SMIM36: variants seen among roughly 807,000 people sequenced by gnomAD.
The protein encoded by SMIM36 is small integral membrane protein 36.
At chr17:55,527,207 G>A in the SMIM36 span, 4 of 152,196 alleles carry the variant, frequency 2.6e-5, no homozygotes, top group Non-Finnish European at 4.4e-5. Context: ...AAAAGAGAAA[G>A]GAAAAGTTAT....
rs1476123549 is a variant in SMIM36 at position 55,500,841 on chromosome 17, ATATAT to A, written c.*174+10033_*174+10037del. ...ATTATATTTTATAATATATATTATA[ATATAT>A]TATATTATAATATATTATAATATAT... On this transcript the variant is annotated intron_variant, in intron 1 of 4. Transcript: ENST00000636752. Among the ~76,000 whole-genome samples, 3 of 28,720 alleles carry A rather than the reference ATATAT, an allele frequency of 1.0e-4. 1 individual carries two copies. Among genetic ancestry groups the A allele is most frequent in the Non-Finnish European group, 1.4e-4 (3 of 21,252 alleles). The allele number at this position is 28,720 out of a possible 152,430, so 18.8% of individuals were successfully genotyped here.
At chr17:55,458,758 A>G (rs1347098506) in intron 4 of SMIM36, among the ~76,000 whole-genome samples, 1 of 152,102 alleles carries the variant, frequency 6.6e-6, no homozygotes, top group Non-Finnish European at 1.5e-5. Context: ...GGGCAGTGGG[A>G]GGACAGCCGG....
At chr17:55,489,566 T>C (rs980212813) in intron 1 of SMIM36, among the ~76,000 whole-genome samples, 1 of 152,230 alleles carries the variant, frequency 6.6e-6, no homozygotes, top group African/African-American at 2.4e-5. Flanking sequence ...GCTTTTAAAC[T>C]ACAAAAGAGA....
At chr17:55,529,322 A>G in the SMIM36 span, among the ~76,000 whole-genome samples, 1 of 152,194 alleles carries the variant, frequency 6.6e-6, no homozygotes, top group African/African-American at 2.4e-5. Context: ...CATTAAAAAT[A>G]TTTCATACTA....
At chr17:55,481,040 T>TTC (rs566709022) in intron 1 of SMIM36, among the ~76,000 whole-genome samples, 1 of 152,024 alleles carries the variant, frequency 6.6e-6, no homozygotes, top group Admixed American at 6.6e-5. Flanking sequence ...ATTCTCTTTA[T>TTC]TCTCTCTCTC....
chr17:55,509,993 T>C (rs1354253882), intron 1 of SMIM36, among the ~76,000 whole-genome samples: 2 of 152,094 alleles, frequency 1.3e-5, no homozygotes, highest in African/African-American at 4.8e-5. Flanking sequence ...ATGAGGCATA[T>C]GGAAGGAAAT....
intron 4 of SMIM36, among the ~76,000 whole-genome samples, chr17:55,463,514 C>A (rs1377150705): frequency 6.6e-6 from 1 of 152,198 alleles, no homozygotes. Context: ...TTTGCCACTG[C>A]ATTCCTGCCT....
chr17:55,466,447 G>C (rs1315404851), intron 4 of SMIM36, among the ~76,000 whole-genome samples: 1 of 152,134 alleles, frequency 6.6e-6, no homozygotes, highest in Admixed American at 6.6e-5. Context: ...AGGTTACCAA[G>C]CAGGGGTCCA....
At chr17:55,475,609 A>G (rs185040815) in intron 3 of SMIM36, among the ~76,000 whole-genome samples, 1 of 152,340 alleles carries the variant, frequency 6.6e-6, no homozygotes, top group African/African-American at 2.4e-5. Flanking sequence ...TTTTACCTAA[A>G]TCAGTCTGGC....
chr17:55,485,624 G>A (rs1909591012), intron 1 of SMIM36, among the ~76,000 whole-genome samples: 1 of 152,080 alleles, frequency 6.6e-6, no homozygotes, highest in Non-Finnish European at 1.5e-5. Flanking sequence ...CATGGTCTAT[G>A]GTTGTTGGGT....
chr17:55,489,943 G>C (rs1909674412), intron 1 of SMIM36, among the ~76,000 whole-genome samples: 1 of 151,986 alleles, frequency 6.6e-6, no homozygotes, highest in Non-Finnish European at 1.5e-5. Context: ...CTGCCTCCTG[G>C]GTTCATGCCA....
At chr17:55,465,125 ACAAT>A (rs1015709420) in intron 4 of SMIM36, among the ~76,000 whole-genome samples, 4 of 152,230 alleles carry the variant, frequency 2.6e-5, no homozygotes, top group Admixed American at 6.5e-5. Flanking sequence ...AAGTTCATAA[ACAAT>A]CTGCTCCATT....
intron 3 of SMIM36, among the ~76,000 whole-genome samples, chr17:55,476,592 A>C (rs1598451134): frequency 6.6e-6 from 1 of 151,636 alleles, no homozygotes. Flanking sequence ...TTGTTTAGAC[A>C]GAGTCTCGCT....
At chr17:55,526,315 T>A in the SMIM36 span, among the ~76,000 whole-genome samples, 1 of 151,828 alleles carries the variant, frequency 6.6e-6, no homozygotes, top group Admixed American at 6.6e-5. Flanking sequence ...GGTTATTTAT[T>A]TATTTTTTAT....
At chr17:55,515,084 G>GT (rs1567874075), upstream of SMIM36, among the ~76,000 whole-genome samples, 115 of 56,146 alleles carry the variant, frequency 2.0e-3, 11 homozygotes, top group Middle Eastern at 0.012. Flanking sequence ...TTCTAGTCTA[G>GT]TGTTTTTTTT....
chr17:55,454,479 G>A (rs543436698), intron 4 of SMIM36, among the ~76,000 whole-genome samples: 8 of 152,144 alleles, frequency 5.3e-5, no homozygotes, highest in Admixed American at 2.0e-4. Context: ...AGGATCACAC[G>A]TTATTTTTTA....
chr17:55,522,140 C>G, the SMIM36 span, among the ~76,000 whole-genome samples: 1 of 152,180 alleles, frequency 6.6e-6, no homozygotes, highest in Non-Finnish European at 1.5e-5. Flanking sequence ...CTTTCTCCCT[C>G]ACCTGTTCTA....
At chr17:55,481,099 CCT>C (rs975846208) in intron 1 of SMIM36, among the ~76,000 whole-genome samples, 7 of 149,670 alleles carry the variant, frequency 4.7e-5, no homozygotes, top group East Asian at 1.9e-4. Context: ...TCTCTCTCTC[CCT>C]CTCTCTCTCT....
At chr17:55,517,259 G>A in the SMIM36 span, among the ~76,000 whole-genome samples, 3 of 152,150 alleles carry the variant, frequency 2.0e-5, no homozygotes, top group African/African-American at 7.2e-5. Flanking sequence ...GATACAAAAG[G>A]TAAGAGATGG....
Sources: gnomAD v4.1 joint callset for allele counts (sites outside exome capture counted in the v4.1 genomes callset) on GRCh38, gnomAD v4.1.1 for gene constraint, MANE v1.5 for transcripts, NCBI Gene and HGNC (gene_info 2026-07-23, HGNC 2026-07-21) for gene names.